Variants in PAK2 observed in about 807,000 individuals in gnomAD.
PAK2 encodes the protein p21 (RAC1) activated kinase 2, also known as serine/threonine-protein kinase PAK 2.
In PAK2, 21 loss-of-function variants were observed where a neutral mutation model predicts 65.9. The ratio of observed to expected loss-of-function variants is 0.32; its 90% CI spans 0.23 to 0.46. PAK2 has a LOEUF of 0.46. PAK2 is among the 20% of genes least tolerant of loss of function. The probability of loss-of-function intolerance (pLI) is 1.00; values close to 1 mark genes in which losing one functional copy is unlikely to be tolerated. For missense variants in PAK2, 324 were observed against 642.6 expected (o/e 0.50, Z 5.36); for synonymous variants, 204 against 219.7 (o/e 0.93, Z 0.63).
At position 196,794,739 on chromosome 3, in the gene PAK2, G is replaced by A. The variant is rs535698305; in HGVS notation, c.188-7188G>A. Among the ~76,000 whole-genome samples, 9 of 152,250 alleles carry A rather than the reference G, an allele frequency of 5.9e-5. No individual in the cohort carries two copies. The East Asian group carries it at 1.5e-3, about 26-fold the overall frequency. On this transcript the variant is annotated intron_variant, in intron 2 of 14. Coordinates refer to ENST00000327134, the MANE Select transcript of PAK2 (RefSeq NM_002577.4). Reference sequence around the variant, plus strand: ...GGATGCCAAATAGAGCAGCTGTTCAGCAACACCATGTTGTAGGAGGTTTAT... The same window carrying A: ...GGATGCCAAATAGAGCAGCTGTTCAACAACACCATGTTGTAGGAGGTTTAT...
chr3:196,767,902 A>G (rs1014030441), intron 1 of PAK2, among the ~76,000 whole-genome samples: 1 of 152,218 alleles, frequency 6.6e-6, no homozygotes, highest in East Asian at 1.9e-4. Context: ...GTGCGGTCTC[A>G]TCATATGGAC....
intron 2 of PAK2, among the ~76,000 whole-genome samples, chr3:196,794,540 TGAA>T (rs1207207862): frequency 6.6e-6 from 1 of 152,320 alleles, no homozygotes; most frequent in East Asian, 1.9e-4. Context: ...AAAGTGAGAT[TGAA>T]GAAGACAGCC....
chr3:196,818,200 C>G (rs754859388), intron 12 of PAK2, 44 bp downstream of exon 12: 2 of 793,042 alleles, frequency 2.5e-6, no homozygotes, highest in South Asian at 3.0e-5. Flanking sequence ...TTATAATTTT[C>G]TGCCTTTTGT....
intron 1 of PAK2, among the ~76,000 whole-genome samples, chr3:196,742,721 T>C (rs1713244934): frequency 6.6e-6 from 1 of 152,100 alleles, no homozygotes; most frequent in African/African-American, 2.4e-5. Flanking sequence ...AAGACCATCC[T>C]GGCTAACACA....
At chr3:196,781,705 C>T (rs1477587654) in intron 1 of PAK2, among the ~76,000 whole-genome samples, 1 of 152,202 alleles carries the variant, frequency 6.6e-6, no homozygotes, top group African/African-American at 2.4e-5. Flanking sequence ...TGGGGGCTCA[C>T]GCCTATAATC....
At position 196,814,492 on chromosome 3, in the gene PAK2, T is replaced by G. The variant is rs888409864; in HGVS notation, c.977T>G (p.Leu326Arg). 6.5e-7 allele frequency: 1 copy of G among 1,543,312 alleles called. No individual in the cohort carries two copies. Among genetic ancestry groups the G allele is most frequent in the Non-Finnish European group, 8.9e-7 (1 of 1,121,344 alleles). Residue 326 changes from leucine (L) to arginine (R), a missense_variant, in exon 11 of 15, where the codon CTT becomes CGT. Around this residue, in one of 5 missense-constraint regions of PAK2, gnomAD observed 183 missense variants for 246.2 expected, o/e 0.74. Transcript: ENST00000327134. ...GDELFVVMEY[L>R]AGGSLTDVVT... ...GAATTGTTTGTGGTCATGGAATACC[T>G]TGCTGGGGGGTCACTCACTGATGTG...
At chr3:196,762,996 A>G (rs1228842233) in intron 1 of PAK2, among the ~76,000 whole-genome samples, 5 of 152,154 alleles carry the variant, frequency 3.3e-5, no homozygotes, top group Non-Finnish European at 4.4e-5. Context: ...CAGTAAAAAA[A>G]TAGAGCTCTA....
chr3:196,784,609 C>G (rs1186790827), intron 2 of PAK2, among the ~76,000 whole-genome samples: 4 of 133,730 alleles, frequency 3.0e-5, no homozygotes, highest in Non-Finnish European at 6.4e-5. Context: ...GCCACATTTT[C>G]TTAATCCAGT....
At chr3:196,784,987 T>G (rs1043327638) in intron 2 of PAK2, 2 of 152,400 alleles carry the variant, frequency 1.3e-5, no homozygotes, top group East Asian at 3.8e-4. Context: ...GTGAAAAATA[T>G]GGAACGCTTC....
intron 11 of PAK2, among the ~76,000 whole-genome samples, chr3:196,815,995 T>C (rs1178938913): frequency 1.3e-5 from 2 of 152,178 alleles, no homozygotes; most frequent in Admixed American, 6.6e-5. Flanking sequence ...TTCTGCCAAA[T>C]TGCCAATTTA....
At chr3:196,753,145 G>C (rs1488994506) in intron 1 of PAK2, among the ~76,000 whole-genome samples, 1 of 151,400 alleles carries the variant, frequency 6.6e-6, no homozygotes, top group African/African-American at 2.4e-5. Flanking sequence ...TTTTAGTAGA[G>C]ACGAGGTTTC....
chr3:196,771,902 A>C (rs1434877155), intron 1 of PAK2, among the ~76,000 whole-genome samples: 1 of 152,134 alleles, frequency 6.6e-6, no homozygotes, highest in East Asian at 1.9e-4. Flanking sequence ...TGAGTTCATT[A>C]GTTCATTGTT....
intron 2 of PAK2, among the ~76,000 whole-genome samples, chr3:196,795,432 A>C (rs570004873): frequency 6.6e-6 from 1 of 152,176 alleles, no homozygotes; most frequent in African/African-American, 2.4e-5. Context: ...GCACCACTGC[A>C]CTCCGGCCTG....
intron 1 of PAK2, among the ~76,000 whole-genome samples, chr3:196,767,590 G>A (rs1714213696): frequency 6.6e-6 from 1 of 150,798 alleles, no homozygotes; most frequent in South Asian, 2.1e-4. Context: ...CCGGGTTCAC[G>A]CCATTCTCCT....
At chr3:196,790,308 A>G (rs971863485) in intron 2 of PAK2, among the ~76,000 whole-genome samples, 1 of 152,220 alleles carries the variant, frequency 6.6e-6, no homozygotes, top group African/African-American at 2.4e-5. Context: ...CATGTGACTC[A>G]GGGTCTCTGC....
Position 196,749,409 on chromosome 3 carries a change from C to T in PAK2, c.-22+9252C>T, listed in dbSNP as rs73072779. On this transcript the variant is annotated intron_variant, in intron 1 of 14. Transcript: ENST00000327134. The stretch of plus-strand genomic sequence containing the variant: ...TTCTCTACATCCTTTTTAACACAAC[C>T]GTTGTTGTTTTTAATAGTAGCCATC... 5.3e-3 allele frequency among the ~76,000 whole-genome samples: 813 copies of T among 152,110 alleles called. 5 individuals carry two copies. Among genetic ancestry groups the T allele is most frequent in the Middle Eastern group, 0.027 (8 of 294 alleles).
chr3:196,794,706 G>A (rs1394046999), intron 2 of PAK2, among the ~76,000 whole-genome samples: 1 of 152,174 alleles, frequency 6.6e-6, no homozygotes, highest in African/African-American at 2.4e-5. Context: ...GTATAACTCA[G>A]CCAAAGGGGA....
chr3:196,753,279 T>G (rs1201340310), intron 1 of PAK2, among the ~76,000 whole-genome samples: 1 of 150,450 alleles, frequency 6.6e-6, no homozygotes, highest in African/African-American at 2.5e-5. Context: ...CTTATAATCT[T>G]CAGATATAAG....
At chr3:196,749,493 G>T (rs6803903) in intron 1 of PAK2, among the ~76,000 whole-genome samples, 5,850 of 152,214 alleles carry the variant, frequency 0.038, 144 homozygotes, top group Middle Eastern at 0.071. Flanking sequence ...AGCAGTTAGT[G>T]ATGTTGAGCA....
Sources: gnomAD v4.1 joint callset for allele counts (sites outside exome capture counted in the v4.1 genomes callset) on GRCh38, gnomAD v4.1.1 for gene constraint, gnomAD v4.1.1 regional missense constraint, MANE v1.5 for transcripts, NCBI Gene and HGNC (gene_info 2026-07-23, HGNC 2026-07-21) for gene names.